GPC5: variants seen among roughly 807,000 people sequenced by gnomAD.
GPC5 encodes glypican-5.
A neutral mutation model predicts 53.9 loss-of-function variants in GPC5; 47 were observed. That is an observed-to-expected ratio of 0.87 (90% CI 0.69 to 1.11). The LOEUF (loss-of-function observed/expected upper bound fraction) is 1.11, where lower values mean the gene tolerates loss of function less well. Among genes scored for constraint, GPC5 ranks in the 50% most tolerant of loss-of-function variants. The pLI is 0.00. For missense variants in GPC5, 748 were observed against 713.1 expected, an observed-to-expected ratio of 1.05 and a Z score of -0.56; for synonymous variants, 286 against 263.3, an observed-to-expected ratio of 1.09 and a Z score of -0.84.
intron 7 of GPC5, among the ~76,000 whole-genome samples, chr13:92,742,368 C>A (rs1354554603): frequency 6.6e-6 from 1 of 152,120 alleles, no homozygotes; most frequent in Admixed American, 6.6e-5. Context: ...TGTCTTTTGG[C>A]TGCATAAATG....
intron 7 of GPC5, among the ~76,000 whole-genome samples, chr13:92,681,885 T>G (rs143336327): frequency 6.6e-6 from 1 of 152,206 alleles, no homozygotes; most frequent in Admixed American, 6.5e-5. Flanking sequence ...AGTGACCTTC[T>G]TAGGACAAAT....
intron 7 of GPC5, among the ~76,000 whole-genome samples, chr13:92,779,603 C>T (rs1381993416): frequency 6.6e-6 from 1 of 152,068 alleles, no homozygotes; most frequent in East Asian, 1.9e-4. Context: ...AGCCATCTTC[C>T]CACCTCTTTA....
Position 92,811,786 on chromosome 13 carries a change from G to A in GPC5, c.1562-54496G>A, listed in dbSNP as rs142304107. On this transcript the variant is annotated intron_variant, in intron 7 of 7. Transcript: ENST00000377067. ...ATTTTGAGTTAATTTTTTGTTTACC[G>A]TATGAGATGAATGTTCAACATCATA... Among the ~76,000 whole-genome samples, 64 of 151,832 alleles carry A rather than the reference G, an allele frequency of 4.2e-4. No homozygotes were observed. In the East Asian group the frequency reaches 5.4e-3, roughly 13 times the overall value.
chr13:92,632,870 A>G (rs2139135405), intron 7 of GPC5, among the ~76,000 whole-genome samples: 1 of 150,402 alleles, frequency 6.6e-6, no homozygotes, highest in Non-Finnish European at 1.5e-5. Context: ...CTGCAGAGAA[A>G]CTCCCATTTT....
chr13:92,176,839 GCTT>G (rs1255134537), intron 7 of GPC5, among the ~76,000 whole-genome samples: 1 of 151,992 alleles, frequency 6.6e-6, no homozygotes, highest in African/African-American at 2.4e-5. Context: ...GGTATACACT[GCTT>G]CTTTACATAC....
intron 6 of GPC5, among the ~76,000 whole-genome samples, chr13:91,921,151 G>A (rs1228792026): frequency 2.0e-5 from 3 of 151,784 alleles, no homozygotes; most frequent in Admixed American, 2.0e-4. Flanking sequence ...TGGCCAGGCT[G>A]GTCTCCAACT....
chr13:92,287,793 T>C (rs2042966568), intron 7 of GPC5, among the ~76,000 whole-genome samples: 1 of 152,200 alleles, frequency 6.6e-6, no homozygotes, highest in Admixed American at 6.5e-5. Flanking sequence ...GATGTGTTGG[T>C]TCATGTCTTC....
intron 7 of GPC5, among the ~76,000 whole-genome samples, chr13:92,264,870 CTCTCTCTCTGTGTGTGTGTGTGTG>C (rs1566509955): frequency 8.5e-6 from 1 of 118,292 alleles, no homozygotes; most frequent in Non-Finnish European, 1.7e-5. Flanking sequence ...CTCTCTCTCT[CTCTCTCTCTGTGTGTGTGTGTGTG>C]TGTGTGTGTG....
intron 7 of GPC5, among the ~76,000 whole-genome samples, chr13:92,399,780 A>G (rs561513774): frequency 6.6e-6 from 1 of 152,296 alleles, no homozygotes; most frequent in African/African-American, 2.4e-5. Context: ...TTACCTAAGC[A>G]TGTTTCCTCA....
intron 7 of GPC5, among the ~76,000 whole-genome samples, chr13:92,625,819 C>T (rs1223450271): frequency 1.3e-5 from 2 of 152,144 alleles, no homozygotes; most frequent in African/African-American, 4.8e-5. Context: ...AGCTTTTGGT[C>T]CAAGGGACAG....
chr13:92,585,675 T>C (rs1410104407), intron 7 of GPC5, among the ~76,000 whole-genome samples: 3 of 152,254 alleles, frequency 2.0e-5, no homozygotes, highest in Non-Finnish European at 4.4e-5. Context: ...CAGAATAATA[T>C]GGTTTGGCTG....
chr13:92,305,863 G>A (rs1352518344), intron 7 of GPC5, among the ~76,000 whole-genome samples: 1 of 152,156 alleles, frequency 6.6e-6, no homozygotes, highest in Non-Finnish European at 1.5e-5. Flanking sequence ...CTGGAGTAAT[G>A]AGATTCAGCG....
At chr13:92,730,556 G>A (rs961292040) in intron 7 of GPC5, among the ~76,000 whole-genome samples, 1 of 150,778 alleles carries the variant, frequency 6.6e-6, no homozygotes, top group Non-Finnish European at 1.5e-5. Flanking sequence ...ATTAATCTTC[G>A]TGAAAAATGT....
At chr13:91,471,101 G>A (rs1004399395) in intron 2 of GPC5, among the ~76,000 whole-genome samples, 1 of 152,128 alleles carries the variant, frequency 6.6e-6, no homozygotes, top group Non-Finnish European at 1.5e-5. Context: ...TAAAGGTGCC[G>A]GTTATGGAGT....
chr13:91,490,409 A>T (rs1883877987), intron 2 of GPC5, among the ~76,000 whole-genome samples: 1 of 152,188 alleles, frequency 6.6e-6, no homozygotes, highest in Non-Finnish European at 1.5e-5. Context: ...TCTTTGAGTT[A>T]AATAGACAGA....
intron 6 of GPC5, among the ~76,000 whole-genome samples, chr13:91,933,555 G>A (rs1219077472): frequency 6.6e-6 from 1 of 151,874 alleles, no homozygotes; most frequent in African/African-American, 2.4e-5. Flanking sequence ...ATGAAGAAAT[G>A]TTAATAAACC....
At chr13:91,828,347 A>G (rs995834789) in intron 5 of GPC5, among the ~76,000 whole-genome samples, 2 of 150,178 alleles carry the variant, frequency 1.3e-5, no homozygotes, top group African/African-American at 2.5e-5. Flanking sequence ...AGATAGGTAG[A>G]TAGGTAGGTA....
At chr13:92,381,933 T>A (rs2043750440) in intron 7 of GPC5, among the ~76,000 whole-genome samples, 1 of 65,510 alleles carries the variant, frequency 1.5e-5, no homozygotes, top group Admixed American at 1.6e-4. Flanking sequence ...TATATATGAT[T>A]ATATATGAAA....
intron 2 of GPC5, among the ~76,000 whole-genome samples, chr13:91,593,117 C>T (rs2032864875): frequency 6.6e-6 from 1 of 152,160 alleles, no homozygotes; most frequent in Non-Finnish European, 1.5e-5. Flanking sequence ...TAGCCAGGAT[C>T]CCAGAGGTTC....
Sources: allele counts gnomAD v4.1 joint callset (sites outside exome capture counted in the v4.1 genomes callset), GRCh38; gene constraint gnomAD v4.1.1; transcripts MANE v1.5; gene names NCBI Gene and HGNC (gene_info 2026-07-23, HGNC 2026-07-21).